The following FOXN3 variants were observed in gnomAD, a reference collection of about 807,000 sequenced individuals.
FOXN3 encodes forkhead box protein N3.
FOXN3 carries 7 observed loss-of-function variants against 38.4 expected under a neutral mutation model. The observed-to-expected ratio is 0.18, with a 90% CI of 0.10 to 0.34. The LOEUF is 0.34. Among genes scored for constraint, FOXN3 ranks in the 10% least tolerant of loss-of-function variants. FOXN3 has a pLI of 1.00. For missense variants in FOXN3, 456 were observed against 613.4 expected (o/e 0.74, Z 2.71); for synonymous variants, 230 against 242.2 (o/e 0.95, Z 0.47).
At chr14:89,324,443 C>CGT (rs71130053) in intron 3 of FOXN3, among the ~76,000 whole-genome samples, 4,641 of 143,414 alleles carry the variant, frequency 0.032, 71 homozygotes, top group East Asian at 0.076. Context: ...TAAGTGTGTG[C>CGT]GTGTGTGTGT....
At chr14:89,605,174 A>C (rs2139945016) in intron 1 of FOXN3, among the ~76,000 whole-genome samples, 1 of 152,236 alleles carries the variant, frequency 6.6e-6, no homozygotes, top group African/African-American at 2.4e-5. Flanking sequence ...TTAAAAAAAA[A>C]CACAAAAAAA....
In FOXN3 at chr14:89,535,856, T is replaced by C. The variant is rs74078966; in HGVS notation, c.-15+83172A>G. ...CAAAAGGATGAAGTCAGAGTCACAATTGATTTTCTGTTAACAATGGGAGGG... is the reference window on the plus strand; with the variant it reads ...CAAAAGGATGAAGTCAGAGTCACAACTGATTTTCTGTTAACAATGGGAGGG... On this transcript the variant is annotated intron_variant, in intron 1 of 6. Transcript: ENST00000345097. Among the ~76,000 whole-genome samples, 1,203 of 152,308 alleles carry C rather than the reference T, an allele frequency of 7.9e-3. 20 individuals are homozygous for C. Among genetic ancestry groups the C allele is most frequent in the African/African-American group, 0.028 (1,149 of 41,550 alleles).
chr14:89,435,871 C>T (rs774275523), intron 1 of FOXN3, among the ~76,000 whole-genome samples: 2 of 152,208 alleles, frequency 1.3e-5, no homozygotes, highest in Non-Finnish European at 2.9e-5. Context: ...CTGCCCAGAC[C>T]TTCCTGGATC....
intron 4 of FOXN3, among the ~76,000 whole-genome samples, chr14:89,184,798 T>C: frequency 6.6e-6 from 1 of 152,236 alleles, no homozygotes; most frequent in East Asian, 1.9e-4. Flanking sequence ...AAGCTCATCA[T>C]CGTCATCGTC....
intron 4 of FOXN3, among the ~76,000 whole-genome samples, chr14:89,225,583 G>A (rs1346493461): frequency 2.6e-5 from 4 of 152,034 alleles, no homozygotes; most frequent in South Asian, 2.1e-4. Flanking sequence ...CAGCCTGGGC[G>A]ACAGAGCAAG....
At chr14:89,197,971 G>C (rs1888140023) in intron 4 of FOXN3, among the ~76,000 whole-genome samples, 1 of 152,198 alleles carries the variant, frequency 6.6e-6, no homozygotes, top group Non-Finnish European at 1.5e-5. Flanking sequence ...CTCTGCATGA[G>C]AATGACACAA....
intron 1 of FOXN3, among the ~76,000 whole-genome samples, chr14:89,544,777 G>C (rs1335365819): frequency 6.6e-6 from 1 of 152,142 alleles, no homozygotes; most frequent in African/African-American, 2.4e-5. Flanking sequence ...CAGATGGGTA[G>C]TATATACAGT....
At chr14:89,364,524 C>T (rs1890077498) in intron 2 of FOXN3, 1 of 152,306 alleles carries the variant, frequency 6.6e-6, no homozygotes, top group African/African-American at 2.4e-5. Context: ...CTGCAGACAG[C>T]ACCAGGTTCT....
chr14:89,240,912 T>A (rs1885121226), intron 4 of FOXN3, among the ~76,000 whole-genome samples: 1 of 152,124 alleles, frequency 6.6e-6, no homozygotes, highest in South Asian at 2.1e-4. Flanking sequence ...CAGCCCAGGG[T>A]TCTTTCCACT....
At chr14:89,421,528 A>AT (rs1555353013), upstream of FOXN3, among the ~76,000 whole-genome samples, 240 of 144,792 alleles carry the variant, frequency 1.7e-3, 1 homozygote, top group Non-Finnish European at 2.8e-3. Context: ...ACCCAGGGAA[A>AT]TTTTTTTTTT....
At chr14:89,448,109 C>T (rs554009606) in intron 1 of FOXN3, among the ~76,000 whole-genome samples, 1 of 152,072 alleles carries the variant, frequency 6.6e-6, no homozygotes, top group Non-Finnish European at 1.5e-5. Context: ...ACTGTGCCTG[C>T]CGATGCCTTT....
chr14:89,196,012 T>C (rs2139813899), intron 4 of FOXN3, among the ~76,000 whole-genome samples: 1 of 152,222 alleles, frequency 6.6e-6, no homozygotes, highest in East Asian at 1.9e-4. Context: ...AAAAAATTCC[T>C]CCTTCGCCCA....
In FOXN3 at chr14:89,287,880, C is replaced by T. The variant is rs113105760; in HGVS notation, c.681-6866G>A. Reference sequence around the variant, plus strand: ...AGCCTGGGAAACGTTAAAAATAAAACATTTTTTTATTCTACAAAAAATAAA... The same window carrying T: ...AGCCTGGGAAACGTTAAAAATAAAATATTTTTTTATTCTACAAAAAATAAA... On this transcript the variant is annotated intron_variant, in intron 3 of 5. Transcript: ENST00000557258. 5.7e-3 allele frequency among the ~76,000 whole-genome samples: 862 copies of T among 151,020 alleles called. 15 individuals carry two copies. Among genetic ancestry groups the T allele is most frequent in the African/African-American group, 0.02 (814 of 41,138 alleles).
intron 3 of FOXN3, among the ~76,000 whole-genome samples, chr14:89,348,544 T>C (rs1339030707): frequency 1.3e-5 from 2 of 152,152 alleles, no homozygotes; most frequent in African/African-American, 2.4e-5. Context: ...CTTGTTCTCA[T>C]GGACTTAAGG....
At chr14:89,558,415 C>T (rs1362492528) in intron 1 of FOXN3, among the ~76,000 whole-genome samples, 1 of 152,120 alleles carries the variant, frequency 6.6e-6, no homozygotes, top group Non-Finnish European at 1.5e-5. Context: ...GCAAGCAGGA[C>T]CCCACCTGTG....
In FOXN3 at chr14:89,190,563, G is replaced by A. The variant is rs1887916272; in HGVS notation, c.746-9757C>T. On this transcript the variant is annotated intron_variant, in intron 4 of 5. Transcript: ENST00000557258. ...GCAACAGAGAAAAAAAAAATATCCA[G>A]CAACTGGATGAGCTATCCCAAAGGC... The A allele has an allele frequency of 9.5e-6, 7 of 737,242 alleles. No homozygotes were observed. In the East Asian group the frequency reaches 2.0e-4, roughly 21 times the overall value. The allele number at this position is 737,242 out of a possible 1,614,324, so 45.7% of individuals were successfully genotyped here.
chr14:89,334,819 G>A (rs1258752182), intron 3 of FOXN3, among the ~76,000 whole-genome samples: 1 of 152,010 alleles, frequency 6.6e-6, no homozygotes, highest in Non-Finnish European at 1.5e-5. Context: ...CCAGGCTGGA[G>A]TGCAATGGTG....
intron 2 of FOXN3, among the ~76,000 whole-genome samples, chr14:89,403,264 C>T (rs1184927187): frequency 1.3e-5 from 2 of 151,958 alleles, no homozygotes; most frequent in Admixed American, 1.3e-4. Flanking sequence ...TGCAGTGGTG[C>T]GATCATGGCT....
At chr14:89,445,573 G>A (rs1330627023) in intron 1 of FOXN3, among the ~76,000 whole-genome samples, 1 of 152,184 alleles carries the variant, frequency 6.6e-6, no homozygotes, top group Non-Finnish European at 1.5e-5. Flanking sequence ...AAAGTGCCCA[G>A]GGATTAGGGC....
Sources: gnomAD v4.1 joint callset for allele counts (sites outside exome capture counted in the v4.1 genomes callset) on GRCh38, gnomAD v4.1.1 for gene constraint, MANE v1.5 for transcripts, NCBI Gene and HGNC (gene_info 2026-07-23, HGNC 2026-07-21) for gene names.